ADAM18: variants seen among roughly 807,000 people sequenced by gnomAD.
ADAM18 encodes ADAM metallopeptidase domain 18, also known as disintegrin and metalloproteinase domain-containing protein 18.
A neutral mutation model predicts 94.4 loss-of-function variants in ADAM18; 117 were observed. The observed-to-expected ratio is 1.24, with a 90% CI of 1.07 to 1.45. The LOEUF (loss-of-function observed/expected upper bound fraction) is 1.45, where lower values mean the gene tolerates loss of function less well. Among genes scored for constraint, ADAM18 ranks in the 40% most tolerant of loss-of-function variants. The pLI is 0.00. For synonymous variants in ADAM18, 327 were observed against 291.6 expected (o/e 1.12, Z -1.24); for missense variants, 936 against 880.0 (o/e 1.06, Z -0.81).
intron 19 of ADAM18, among the ~76,000 whole-genome samples, chr8:39,725,824 A>C (rs1467503924): frequency 6.6e-6 from 1 of 152,154 alleles, no homozygotes; most frequent in African/African-American, 2.4e-5. Flanking sequence ...GGAAGTGCGG[A>C]TATCTCTTCA....
At position 39,677,549 on chromosome 8, in the gene ADAM18, A is replaced by G; in HGVS notation, c.1631+13A>G. 6.5e-7 allele frequency: 1 copy of G among 1,550,190 alleles called. No homozygotes were observed. Among genetic ancestry groups the G allele is most frequent in the Non-Finnish European group, 8.8e-7 (1 of 1,142,430 alleles). On this transcript the variant is annotated intron_variant, in intron 15 of 19. Coordinates refer to ENST00000265707, the MANE Select transcript of ADAM18 (RefSeq NM_014237.3). ...CTTGTGAACGGAAGTACGTATGTAG[A>G]AAATGATTGCTTCTTTGAATCATAA... is the stretch of plus-strand genomic sequence containing the variant.
intron 14 of ADAM18, among the ~76,000 whole-genome samples, chr8:39,671,906 A>C (rs1247649670): frequency 6.6e-6 from 1 of 152,188 alleles, no homozygotes; most frequent in Non-Finnish European, 1.5e-5. Flanking sequence ...CAAGGGACTG[A>C]GTTCTGAGAA....
intron 2 of ADAM18, among the ~76,000 whole-genome samples, chr8:39,590,865 A>G (rs1335846499): frequency 6.6e-6 from 1 of 152,168 alleles, no homozygotes; most frequent in Non-Finnish European, 1.5e-5. Context: ...TTTCCTGTTT[A>G]TTTTGACTTA....
intron 17 of ADAM18, among the ~76,000 whole-genome samples, chr8:39,705,770 A>G (rs1326154719): frequency 6.6e-6 from 1 of 152,184 alleles, no homozygotes; most frequent in African/African-American, 2.4e-5. Flanking sequence ...ATGAGTATAA[A>G]CGGAAAGGAC....
chr8:39,728,412 C>T (rs1190722231), intron 19 of ADAM18, among the ~76,000 whole-genome samples: 1 of 151,944 alleles, frequency 6.6e-6, no homozygotes, highest in Non-Finnish European at 1.5e-5. Flanking sequence ...TTTATCATGC[C>T]TTCAGTGATG....
At chr8:39,590,585 T>C (rs1424606797) in intron 2 of ADAM18, among the ~76,000 whole-genome samples, 2 of 152,086 alleles carry the variant, frequency 1.3e-5, no homozygotes, top group African/African-American at 4.8e-5. Flanking sequence ...TAAAGTGTAA[T>C]AAAAAATAAA....
At chr8:39,631,344 A>G (rs1241241325) in intron 7 of ADAM18, among the ~76,000 whole-genome samples, 1 of 151,726 alleles carries the variant, frequency 6.6e-6, no homozygotes, top group Non-Finnish European at 1.5e-5. Flanking sequence ...AATAAGTTTT[A>G]TGGTATATTT....
Position 39,643,010 on chromosome 8 carries a change from A to G in ADAM18, c.910-2328A>G, listed in dbSNP as rs190424334. Among the ~76,000 whole-genome samples the G allele has an allele frequency of 1.1e-3, 173 of 152,116 alleles. 3 individuals are homozygous for G. Among genetic ancestry groups the G allele is most frequent in the Admixed American group, 8.9e-3 (135 of 15,244 alleles). On this transcript the variant is annotated intron_variant, in intron 10 of 19. Transcript: ENST00000265707. ...GTAGAGATCTTTCACCTCCCTAGTT[A>G]GCTGCATCCTAGGTATTTTATTCTT...
chr8:39,698,671 G>A (rs1025222178), intron 17 of ADAM18, among the ~76,000 whole-genome samples: 1 of 152,012 alleles, frequency 6.6e-6, no homozygotes, highest in African/African-American at 2.4e-5. Flanking sequence ...GCAATGGAAT[G>A]TTTAACAATG....
intron 6 of ADAM18, among the ~76,000 whole-genome samples, chr8:39,626,822 T>A (rs944324089): frequency 3.9e-5 from 6 of 152,186 alleles, no homozygotes; most frequent in African/African-American, 1.4e-4. Context: ...TTGTGGCCTA[T>A]CATATTATCT....
intron 5 of ADAM18, 70 bp downstream of exon 5, chr8:39,609,631 T>A (rs528539939): frequency 9.7e-7 from 1 of 1,031,876 alleles, no homozygotes; most frequent in Admixed American, 2.0e-5. Context: ...ACTTAGTGAC[T>A]AGCAGACACA....
At chr8:39,681,943 C>A (rs1017186556) in intron 16 of ADAM18, among the ~76,000 whole-genome samples, 4 of 152,078 alleles carry the variant, frequency 2.6e-5, no homozygotes, top group Non-Finnish European at 4.4e-5. Context: ...TTAAATAAAA[C>A]ATAACCATTG....
chr8:39,606,481 T>C, intron 3 of ADAM18, 119 bp downstream of exon 3: 1 of 529,898 alleles, frequency 1.9e-6, no homozygotes. Context: ...AGACTTGTTT[T>C]ATCAATCAAC....
intron 16 of ADAM18, among the ~76,000 whole-genome samples, chr8:39,681,448 T>C (rs1308802392): frequency 2.0e-5 from 3 of 152,220 alleles, no homozygotes; most frequent in African/African-American, 7.2e-5. Flanking sequence ...CCAGATAAGA[T>C]GTGCTTGAAT....
intron 14 of ADAM18, among the ~76,000 whole-genome samples, chr8:39,669,275 G>GT (rs907076159): frequency 8.0e-4 from 116 of 144,216 alleles, no homozygotes; most frequent in Non-Finnish European, 1.1e-3. Flanking sequence ...GTTCTTTTTT[G>GT]TTTTTTTTAA....
At chr8:39,673,013 C>A (rs1821198904) in intron 14 of ADAM18, among the ~76,000 whole-genome samples, 1 of 152,124 alleles carries the variant, frequency 6.6e-6, no homozygotes, top group Non-Finnish European at 1.5e-5. Context: ...ATAGTTTGTG[C>A]AATTCCCTCA....
At chr8:39,666,073 T>C (rs1272853214) in intron 13 of ADAM18, among the ~76,000 whole-genome samples, 1 of 152,226 alleles carries the variant, frequency 6.6e-6, no homozygotes, top group Non-Finnish European at 1.5e-5. Context: ...GGTCTGGCTC[T>C]GCTGCCCAGA....
chr8:39,668,494 A>G (rs548320154), intron 14 of ADAM18, among the ~76,000 whole-genome samples: 1 of 152,312 alleles, frequency 6.6e-6, no homozygotes, highest in South Asian at 2.1e-4. Flanking sequence ...TAAAATTTAT[A>G]TAATTTCCTA....
At chr8:39,631,468 C>A (rs911548259) in intron 7 of ADAM18, among the ~76,000 whole-genome samples, 1 of 151,886 alleles carries the variant, frequency 6.6e-6, no homozygotes, top group African/African-American at 2.4e-5. Context: ...GTTGTGTTAG[C>A]AATTTTTAAA....
Sources: gnomAD v4.1 joint callset for allele counts (sites outside exome capture counted in the v4.1 genomes callset) on GRCh38, gnomAD v4.1.1 for gene constraint, MANE v1.5 for transcripts, NCBI Gene and HGNC (gene_info 2026-07-23, HGNC 2026-07-21) for gene names.